Variants in KDM6A observed in about 807,000 individuals in gnomAD.
The protein encoded by KDM6A is lysine-specific demethylase 6A.
KDM6A carries 11 observed loss-of-function variants against 117.6 expected under a neutral mutation model. The ratio of observed to expected loss-of-function variants is 0.09; its 90% CI spans 0.06 to 0.15. The LOEUF (loss-of-function observed/expected upper bound fraction) is 0.15. KDM6A is among the 10% of genes least tolerant of loss of function. The pLI is 1.00. For synonymous variants in KDM6A, 384 were observed against 396.1 expected (o/e 0.97, Z 0.36); for missense variants, 799 against 1,077.3 (o/e 0.74, Z 3.62).
chrX:44,956,300 A>G (rs2038319202), intron 2 of KDM6A, among the ~76,000 whole-genome samples: 1 of 111,943 alleles, frequency 8.9e-6, no homozygotes, highest in Admixed American at 9.5e-5. Context: ...TGGTGAGCTG[A>G]TTATTGCTGT....
At chrX:45,084,437 C>T (rs1054114877) in intron 24 of KDM6A, among the ~76,000 whole-genome samples, 2 of 111,374 alleles carry the variant, frequency 1.8e-5, no homozygotes, top group Admixed American at 9.6e-5. Flanking sequence ...CTGCAGGTCT[C>T]CCTCAGGTGC....
In KDM6A at chrX:44,875,170, A is replaced by G. The variant is rs142339915; in HGVS notation, c.225+1183A>G. On this transcript the variant is annotated intron_variant, in intron 2 of 29. Transcript: ENST00000611820. ...GACATTTTCTTTTCTAGCTGAAATC[A>G]TAGCTTTGCATTTGACACCTAGCTT... Among the ~76,000 whole-genome samples, 40 of 112,532 alleles carry G rather than the reference A, an allele frequency of 3.6e-4. No homozygotes were observed. The East Asian group carries it at 1.0e-2, about 28-fold the overall frequency.
rs775987868 is a variant in KDM6A, at chrX:45,059,143, A to G, written c.974+39A>G. ...TAAAAATAGTAGTAATTTAATTGAT[A>G]TACAAAGATGGTTGCATCACATATA... On this transcript the variant is annotated intron_variant, in intron 11 of 29. Transcript: ENST00000611820. The G allele has an allele frequency of 3.4e-6, 4 of 1,181,108 alleles. No homozygotes were observed. The East Asian group carries it at 1.2e-4, about 35-fold the overall frequency.
chrX:44,904,406 A>G (rs1347141446), intron 2 of KDM6A, among the ~76,000 whole-genome samples: 1 of 111,462 alleles, frequency 9.0e-6, no homozygotes, highest in Non-Finnish European at 1.9e-5. Context: ...GGCTTTCTTG[A>G]TTATTAGGTT....
chrX:45,027,675 A>G (rs143348082), intron 6 of KDM6A, among the ~76,000 whole-genome samples: 5,082 of 111,633 alleles, frequency 0.046, 286 homozygotes, highest in African/African-American at 0.16. Context: ...GGGAAGGGAA[A>G]GAAATTCTTC....
intron 26 of KDM6A, among the ~76,000 whole-genome samples, chrX:45,090,428 G>A (rs1208346536): frequency 5.4e-5 from 6 of 111,265 alleles, no homozygotes; most frequent in Non-Finnish European, 1.1e-4. Flanking sequence ...TCTGGTCCTC[G>A]ATTTTTTCAT....
chrX:45,094,844 A>C (rs1014134884), intron 27 of KDM6A, among the ~76,000 whole-genome samples: 1 of 111,369 alleles, frequency 9.0e-6, no homozygotes, highest in Non-Finnish European at 1.9e-5. Context: ...ATTGTCCATA[A>C]TTGGTGGTAT....
chrX:45,035,297 C>T (rs1184533642), intron 7 of KDM6A, among the ~76,000 whole-genome samples: 1 of 111,758 alleles, frequency 8.9e-6, no homozygotes, highest in Non-Finnish European at 1.9e-5. Context: ...ACAGGTTTTG[C>T]TGGTCTTTTA....
chrX:45,040,566 G>A (rs2083724290), intron 8 of KDM6A, among the ~76,000 whole-genome samples: 2 of 70,439 alleles, frequency 2.8e-5, no homozygotes, highest in Admixed American at 1.4e-4. Context: ...TCCCAGTAGG[G>A]GCGGCCGGGC....
chrX:44,884,102 CAAAAAAAA>C (rs60159327), intron 2 of KDM6A, among the ~76,000 whole-genome samples: 4 of 23,774 alleles, frequency 1.7e-4, no homozygotes, highest in Admixed American at 6.4e-4. Context: ...AACTCTATCT[CAAAAAAAA>C]AAAAAAAAAA....
At chrX:45,041,456 G>T (rs1312044652) in intron 8 of KDM6A, among the ~76,000 whole-genome samples, 1 of 106,972 alleles carries the variant, frequency 9.3e-6, no homozygotes, top group South Asian at 4.3e-4. Context: ...CCTCCCGGAC[G>T]GGGTGGCTGC....
rs1186402331 is a variant in KDM6A at position 45,063,441 on chromosome X, C to T, written c.1703C>T (p.Ala568Val). 1.1e-5 allele frequency: 13 copies of T among 1,206,294 alleles called. No individual in the cohort carries two copies. Among genetic ancestry groups the T allele is most frequent in the Non-Finnish European group, 1.5e-5 (13 of 894,697 alleles). ...QQHQMRPTGVAQVRSTGIPNG... is the reference protein window; with the variant it reads ...QQHQMRPTGVVQVRSTGIPNG... ...TGACAGATGAGACCAACAGGAGTTGCACAGGTACGATCTACTGGAATTCCT... is the reference window on the plus strand; with the variant it reads ...TGACAGATGAGACCAACAGGAGTTGTACAGGTACGATCTACTGGAATTCCT... Residue 568 changes from alanine to valine, a missense_variant, in exon 17 of 30, where the codon GCA becomes GTA. Physicochemically the swap from Ala to Val is moderately conservative, Grantham distance 64. Around this residue, in one of 8 missense-constraint regions of KDM6A, gnomAD observed 301 missense variants for 318.3 expected, o/e 0.95. Transcript: ENST00000611820.
intron 2 of KDM6A, among the ~76,000 whole-genome samples, chrX:44,904,726 G>T (rs1294103723): frequency 1.8e-5 from 2 of 111,894 alleles, no homozygotes; most frequent in African/African-American, 6.5e-5. Context: ...TACTCCCTCT[G>T]CTGGCTTTTC....
Position 44,873,516 on chromosome X carries a change from G to A in KDM6A, c.-36G>A, listed in dbSNP as rs994881549. 1.7e-6 allele frequency: 2 copies of A among 1,207,020 alleles called. No homozygotes were observed. Among genetic ancestry groups the A allele is most frequent in the African/African-American group, 3.5e-5 (2 of 56,881 alleles). On this transcript the variant is annotated 5_prime_UTR_variant, in exon 1 of 30. The change creates a new upstream start codon in the 5' untranslated region. Transcript: ENST00000611820. ...ACTGCGGGCCCCGGTCCGAGGGGGG[G>A]TGTCGGCGTTGGAGTTGTGAATTCG...
chrX:44,937,804 C>T (rs2037063403), intron 2 of KDM6A, among the ~76,000 whole-genome samples: 1 of 111,905 alleles, frequency 8.9e-6, no homozygotes, highest in Non-Finnish European at 1.9e-5. Context: ...AGATAGAAGC[C>T]AAGATAGACT....
At chrX:45,042,857 G>A (rs1253117542) in intron 8 of KDM6A, among the ~76,000 whole-genome samples, 4 of 112,439 alleles carry the variant, frequency 3.6e-5, no homozygotes, top group African/African-American at 1.3e-4. Flanking sequence ...GCCCTGTCCC[G>A]ACATTACCTT....
At chrX:45,076,306 GTTT>G (rs2045111287) in intron 18 of KDM6A, among the ~76,000 whole-genome samples, 1 of 111,232 alleles carries the variant, frequency 9.0e-6, no homozygotes, top group Non-Finnish European at 1.9e-5. Context: ...GAGACATTCT[GTTT>G]TTTACTATTA....
intron 2 of KDM6A, among the ~76,000 whole-genome samples, chrX:44,878,719 CT>C (rs1398789274): frequency 2.7e-5 from 3 of 110,043 alleles, no homozygotes; most frequent in African/African-American, 9.9e-5. Flanking sequence ...CCTCTAGATA[CT>C]TTTTGTTTTT....
At chrX:44,979,608 T>C (rs1409242164) in intron 4 of KDM6A, among the ~76,000 whole-genome samples, 2 of 111,593 alleles carry the variant, frequency 1.8e-5, no homozygotes, top group African/African-American at 6.5e-5. Context: ...ATTACTTTTT[T>C]TTTCTTTTAC....
Sources: allele counts gnomAD v4.1 joint callset (sites outside exome capture counted in the v4.1 genomes callset), GRCh38; gene constraint gnomAD v4.1.1; regional missense constraint gnomAD v4.1.1; transcripts MANE v1.5; gene names NCBI Gene and HGNC (gene_info 2026-07-23, HGNC 2026-07-21).